RELN: variants seen among roughly 807,000 people sequenced by gnomAD.
RELN encodes reelin.
RELN carries 108 observed loss-of-function variants against 427.6 expected under a neutral mutation model. The observed-to-expected ratio is 0.25, with a 90% confidence interval of 0.22 to 0.30. The LOEUF (loss-of-function observed/expected upper bound fraction) is 0.30, where lower values mean the gene tolerates loss of function less well. Ranked by LOEUF, RELN falls within the 10% of genes least tolerant of loss-of-function variation. The pLI, the probability that RELN is intolerant of heterozygous loss-of-function variation, is 1.00. For synonymous variants in RELN, 1,524 were observed against 1,513.4 expected, an observed-to-expected ratio of 1.01 and a Z score of -0.16; for missense variants, 3,715 against 4,302.8, an observed-to-expected ratio of 0.86 and a Z score of 3.82.
chr7:103,700,106 A>G (rs1360472929), intron 9 of RELN, among the ~76,000 whole-genome samples: 2 of 152,122 alleles, frequency 1.3e-5, no homozygotes, highest in Non-Finnish European at 2.9e-5. Flanking sequence ...AGCTGTCACG[A>G]AACTGATAAG....
rs1300102595 is a variant in RELN, at chr7:103,566,621, C to T, written c.4727G>A (p.Arg1576Gln). ...QDAKTPATAF[R>Q]WWQPQHGKHS... ...CTTACCATGTTGCGGTTGCCACCAT[C>T]GAAATGCCGTTGCAGGTGTCTTCGC... Residue 1576 changes from arginine (R) to glutamine (Q), a missense_variant, in exon 32 of 65, where the codon CGA becomes CAA. Transcript: ENST00000428762. 38 of 1,614,028 alleles carry T rather than the reference C, an allele frequency of 2.4e-5. No individual in the cohort carries two copies. Among genetic ancestry groups the T allele is most frequent in the Non-Finnish European group, 3.1e-5 (37 of 1,180,020 alleles).
In RELN at chr7:103,539,272, G is replaced by A. The variant is rs201403495; in HGVS notation, c.6986C>T (p.Thr2329Ile). The A allele has an allele frequency of 1.4e-5, 22 of 1,614,062 alleles. No homozygotes were observed. The highest frequency in any genetic ancestry group is 1.6e-4 in the Middle Eastern group (1 of 6,084). The change falls in exon 45 of 65, where the codon ACC (threonine) becomes ATC (isoleucine). Residue 2329 changes from threonine (T) to isoleucine (I), a missense_variant. Around this residue, in one of 4 missense-constraint regions of RELN, gnomAD observed 1,310 missense variants for 1,643.0 expected, o/e 0.80. Coordinates refer to ENST00000428762, the MANE Select transcript of RELN (RefSeq NM_005045.4). ...GNTVLEDDFT[T>I]LDSRKWLLHP... Reference sequence around the variant, plus strand: ...AAGCAGCCATTTCCTACTATCAAGGGTTGTGAAATCATCTTCCAAGACCGT... The same window carrying A: ...AAGCAGCCATTTCCTACTATCAAGGATTGTGAAATCATCTTCCAAGACCGT...
At chr7:103,770,687 C>T (rs1247737989) in intron 4 of RELN, among the ~76,000 whole-genome samples, 1 of 151,466 alleles carries the variant, frequency 6.6e-6, no homozygotes, top group East Asian at 1.9e-4. Flanking sequence ...AATAATGGTA[C>T]ATATTTATTG....
At chr7:103,595,970 G>C (rs976854751) in intron 25 of RELN, among the ~76,000 whole-genome samples, 1 of 152,112 alleles carries the variant, frequency 6.6e-6, no homozygotes, top group Non-Finnish European at 1.5e-5. Flanking sequence ...TTAAGACAGG[G>C]ATAGGCCAGG....
At chr7:103,508,234 AAG>A (rs1275812680) in intron 51 of RELN, among the ~76,000 whole-genome samples, 1 of 152,210 alleles carries the variant, frequency 6.6e-6, no homozygotes, top group Non-Finnish European at 1.5e-5. Flanking sequence ...ACCACAAAAA[AAG>A]AAAATTTCAG....
At chr7:103,820,373 C>CA (rs1331932788) in intron 3 of RELN, among the ~76,000 whole-genome samples, 1 of 151,926 alleles carries the variant, frequency 6.6e-6, no homozygotes, top group African/African-American at 2.4e-5. Context: ...CATTCCATGC[C>CA]AAATCCCTTA....
In RELN at chr7:103,510,869, G is replaced by C; in HGVS notation, c.8256C>G (p.Gly2752=). ...AVTHDLTPTE[G]WIMQFKISVG... ...ATTTCACCTTGAATTGCATAATCCA[G>C]CCTTCAGTGGGAGTCAGGTCATGGG... The change falls in exon 51 of 65, where the codon GGC becomes GGG. Residue 2752 remains glycine, a synonymous_variant. Transcript: ENST00000428762. The C allele has an allele frequency of 6.2e-7, 1 of 1,613,460 alleles. No homozygotes were observed. The highest frequency in any genetic ancestry group is 1.1e-5 in the South Asian group (1 of 91,048).
chr7:103,703,696 T>C (rs1834140413), intron 8 of RELN, among the ~76,000 whole-genome samples: 1 of 151,730 alleles, frequency 6.6e-6, no homozygotes, highest in Non-Finnish European at 1.5e-5. Flanking sequence ...CTTACTTGCC[T>C]GTTCGTTTCC....
intron 8 of RELN, among the ~76,000 whole-genome samples, chr7:103,704,207 C>A (rs371153617): frequency 6.6e-6 from 1 of 152,288 alleles, no homozygotes; most frequent in Non-Finnish European, 1.5e-5. Context: ...CACACTATCA[C>A]GTTGTTTACT....
At chr7:103,555,479 C>T (rs1830502070) in intron 38 of RELN, among the ~76,000 whole-genome samples, 1 of 151,990 alleles carries the variant, frequency 6.6e-6, no homozygotes, top group Non-Finnish European at 1.5e-5. Context: ...GTGAGCACTC[C>T]AAACATAGTA....
At chr7:103,697,027 G>C (rs1424672290) in intron 10 of RELN, among the ~76,000 whole-genome samples, 1 of 152,120 alleles carries the variant, frequency 6.6e-6, no homozygotes, top group African/African-American at 2.4e-5. Flanking sequence ...GCACCTTCCA[G>C]CCTCAGTTTG....
chr7:103,541,060 G>C (rs1830167941), intron 43 of RELN, among the ~76,000 whole-genome samples: 1 of 152,148 alleles, frequency 6.6e-6, no homozygotes, highest in South Asian at 2.1e-4. Context: ...CTTTTGTGCT[G>C]GGGCAGGGAC....
rs1383243579 is a variant in RELN, at chr7:103,933,764, C to T, written c.227-16579G>A. On this transcript the variant is annotated intron_variant, in intron 1 of 64. Coordinates refer to ENST00000428762, the MANE Select transcript of RELN (RefSeq NM_005045.4). The stretch of plus-strand genomic sequence containing the variant: ...CAACACTCCCTGGGCCCCAAAGTTT[C>T]CAGAGGCTGGAAAGGCTAACTTTCC... Among the ~76,000 whole-genome samples, 8 of 152,262 alleles carry T rather than the reference C, an allele frequency of 5.3e-5. No individual in the cohort carries two copies. The East Asian group carries it at 1.4e-3, about 26-fold the overall frequency.
At chr7:103,682,450 ATTAAG>A (rs746609853) in intron 10 of RELN, among the ~76,000 whole-genome samples, 189 bp from the exon 11 acceptor site, 25 of 152,198 alleles carry the variant, frequency 1.6e-4, no homozygotes, top group Admixed American at 2.6e-4. Flanking sequence ...TTTCTAACCT[ATTAAG>A]TTATCACAAA....
chr7:103,894,064 G>A (rs1000962065), intron 2 of RELN, among the ~76,000 whole-genome samples: 2 of 152,046 alleles, frequency 1.3e-5, no homozygotes, highest in African/African-American at 4.8e-5. Flanking sequence ...TGTGTTAAAT[G>A]CGCATGTACA....
chr7:103,502,942 G>T, intron 52 of RELN, 74 bp downstream of exon 52: 4 of 1,217,098 alleles, frequency 3.3e-6, no homozygotes, highest in Non-Finnish European at 3.6e-6. Flanking sequence ...ATAATTTCAG[G>T]CATGACAACA....
At chr7:103,499,645 C>T (rs1828956959) in intron 53 of RELN, among the ~76,000 whole-genome samples, 1 of 152,180 alleles carries the variant, frequency 6.6e-6, no homozygotes, top group Non-Finnish European at 1.5e-5. Context: ...AGTCAAATGT[C>T]AGTCTGCCTT....
At chr7:103,982,678 G>A (rs1310384992) in intron 1 of RELN, among the ~76,000 whole-genome samples, 1 of 152,100 alleles carries the variant, frequency 6.6e-6, no homozygotes, top group African/African-American at 2.4e-5. Flanking sequence ...AAGGAGATGG[G>A]AAAGGCAGAG....
intron 10 of RELN, among the ~76,000 whole-genome samples, chr7:103,692,474 G>C (rs1833892566): frequency 6.6e-6 from 1 of 152,112 alleles, no homozygotes; most frequent in Non-Finnish European, 1.5e-5. Flanking sequence ...GGAGGATTAA[G>C]GATCTGAAAC....
Sources: gnomAD v4.1 joint callset for allele counts (sites outside exome capture counted in the v4.1 genomes callset) on GRCh38, gnomAD v4.1.1 for gene constraint, gnomAD v4.1.1 regional missense constraint, MANE v1.5 for transcripts, NCBI Gene and HGNC (gene_info 2026-07-23, HGNC 2026-07-21) for gene names.